CCSER1: variants seen among roughly 807,000 people sequenced by gnomAD.
CCSER1 encodes the protein coiled-coil serine rich protein 1, also known as serine-rich coiled-coil domain-containing protein 1.
In CCSER1, 41 loss-of-function variants were observed where a neutral mutation model predicts 82.0. The observed-to-expected ratio is 0.50, with a 90% CI of 0.39 to 0.65. The LOEUF (loss-of-function observed/expected upper bound fraction) is 0.65, where lower values mean the gene tolerates loss of function less well. Among genes scored for constraint, CCSER1 ranks in the 30% least tolerant of loss-of-function variants. CCSER1 has a pLI of 0.00. For missense variants in CCSER1, 1,119 were observed against 1,064.2 expected (o/e 1.05, Z -0.72); for synonymous variants, 414 against 383.9 (o/e 1.08, Z -0.92).
intron 8 of CCSER1, among the ~76,000 whole-genome samples, chr4:90,829,907 C>T (rs1760923774): frequency 6.6e-6 from 1 of 152,094 alleles, no homozygotes; most frequent in Non-Finnish European, 1.5e-5. Context: ...CTATCTGAGG[C>T]TTCCTTCCTT....
intron 10 of CCSER1, among the ~76,000 whole-genome samples, chr4:91,215,711 G>A (rs891301238): frequency 1.3e-5 from 2 of 152,066 alleles, no homozygotes; most frequent in African/African-American, 4.8e-5. Context: ...ATTTCCTTTG[G>A]CAACATCCTC....
chr4:90,622,736 T>A (rs886483565), intron 5 of CCSER1, among the ~76,000 whole-genome samples: 2 of 152,106 alleles, frequency 1.3e-5, no homozygotes, highest in South Asian at 2.1e-4. Flanking sequence ...TACGTGTGCA[T>A]GTGTCTTTAT....
intron 8 of CCSER1, among the ~76,000 whole-genome samples, chr4:90,832,329 GAT>G (rs1165339971): frequency 6.6e-6 from 1 of 151,856 alleles, no homozygotes; most frequent in African/African-American, 2.4e-5. Flanking sequence ...TAGAACATGT[GAT>G]GATAGAAGCA....
At chr4:90,257,828 CCT>C (rs1723626295) in intron 1 of CCSER1, among the ~76,000 whole-genome samples, 1 of 152,092 alleles carries the variant, frequency 6.6e-6, no homozygotes, top group Admixed American at 6.6e-5. Flanking sequence ...GTGAATTCCC[CCT>C]GACTCAGCCT....
intron 5 of CCSER1, among the ~76,000 whole-genome samples, chr4:90,470,779 A>C (rs1238372427): frequency 2.0e-5 from 3 of 150,736 alleles, no homozygotes; most frequent in South Asian, 2.1e-4. Flanking sequence ...AAAAAAAAAA[A>C]AACAAAACAC....
chr4:90,398,113 C>T (rs944437223), intron 3 of CCSER1, among the ~76,000 whole-genome samples: 1 of 152,146 alleles, frequency 6.6e-6, no homozygotes, highest in Admixed American at 6.5e-5. Context: ...CCTATCTTCC[C>T]TCCCTCTGTG....
At chr4:90,794,081 G>A (rs987428543) in intron 7 of CCSER1, among the ~76,000 whole-genome samples, 3 of 152,168 alleles carry the variant, frequency 2.0e-5, no homozygotes, top group South Asian at 2.1e-4. Context: ...CAGATGCATA[G>A]TTTGCAAAAA....
chr4:90,854,459 G>T (rs552274080), intron 8 of CCSER1, among the ~76,000 whole-genome samples: 1 of 152,226 alleles, frequency 6.6e-6, no homozygotes, highest in African/African-American at 2.4e-5. Flanking sequence ...TATGCCTAAA[G>T]TCATTTTTTG....
intron 8 of CCSER1, among the ~76,000 whole-genome samples, chr4:90,819,701 C>T (rs1345964393): frequency 6.6e-6 from 1 of 152,072 alleles, no homozygotes; most frequent in African/African-American, 2.4e-5. Flanking sequence ...CCAATTTATT[C>T]CTTCTTTTTA....
At chr4:90,901,406 G>T (rs1172328766) in intron 8 of CCSER1, among the ~76,000 whole-genome samples, 1 of 151,884 alleles carries the variant, frequency 6.6e-6, no homozygotes, top group Non-Finnish European at 1.5e-5. Context: ...GTACTTATGG[G>T]TGCTTTTATG....
At chr4:91,332,878 A>G (rs895869831) in intron 10 of CCSER1, among the ~76,000 whole-genome samples, 3 of 152,044 alleles carry the variant, frequency 2.0e-5, no homozygotes, top group Non-Finnish European at 4.4e-5. Context: ...TTCTTCAGGG[A>G]GACATTCTGC....
rs182509487 is a variant in CCSER1, at chr4:91,223,246, G to T, written c.2217+137252G>T. ...AGTGAGTTCGTATTATTTCCTTAGA[G>T]AAATATTATTTGTTTAGAAATCAAA... On this transcript the variant is annotated intron_variant, in intron 10 of 10. Transcript: ENST00000509176. 2.4e-3 allele frequency among the ~76,000 whole-genome samples: 372 copies of T among 152,144 alleles called. 1 individual carries two copies. Among genetic ancestry groups the T allele is most frequent in the Admixed American group, 5.2e-3 (80 of 15,268 alleles).
chr4:90,639,228 A>G (rs1485242070), intron 6 of CCSER1, among the ~76,000 whole-genome samples: 5 of 151,526 alleles, frequency 3.3e-5, no homozygotes, highest in Non-Finnish European at 7.4e-5. Context: ...AATGCTTCTT[A>G]ATAGCATAAT....
chr4:90,163,622 A>T (rs1448434209), intron 1 of CCSER1, among the ~76,000 whole-genome samples: 1 of 152,106 alleles, frequency 6.6e-6, no homozygotes, highest in South Asian at 2.1e-4. Context: ...AATTTAATTC[A>T]CAACAATGAC....
At chr4:91,007,863 A>G (rs193117782) in intron 9 of CCSER1, among the ~76,000 whole-genome samples, 3 of 151,914 alleles carry the variant, frequency 2.0e-5, no homozygotes, top group African/African-American at 7.2e-5. Flanking sequence ...GGATTTTTTG[A>G]CATTGATGCT....
intron 10 of CCSER1, among the ~76,000 whole-genome samples, chr4:91,556,163 G>C (rs1490509412): frequency 6.6e-6 from 1 of 151,178 alleles, no homozygotes; most frequent in African/African-American, 2.4e-5. Context: ...TGAAGGTCAG[G>C]CCCAAGAAAT....
chr4:90,738,244 C>T (rs1745977242), intron 7 of CCSER1, among the ~76,000 whole-genome samples: 1 of 152,126 alleles, frequency 6.6e-6, no homozygotes, highest in East Asian at 1.9e-4. Context: ...TGAACCCATC[C>T]TTCTTAGGAA....
intron 8 of CCSER1, among the ~76,000 whole-genome samples, chr4:90,872,186 A>G (rs1188089777): frequency 2.0e-5 from 3 of 151,586 alleles, no homozygotes; most frequent in East Asian, 3.9e-4. Flanking sequence ...ATAAGTAATG[A>G]TTTACTACTG....
intron 10 of CCSER1, among the ~76,000 whole-genome samples, chr4:91,119,885 A>G (rs1378353209): frequency 6.6e-6 from 1 of 152,040 alleles, no homozygotes; most frequent in Non-Finnish European, 1.5e-5. Flanking sequence ...TAGGATTTTA[A>G]AAAGCAGTTA....
Sources: gnomAD v4.1 joint callset for allele counts (sites outside exome capture counted in the v4.1 genomes callset) on GRCh38, gnomAD v4.1.1 for gene constraint, MANE v1.5 for transcripts, NCBI Gene and HGNC (gene_info 2026-07-23, HGNC 2026-07-21) for gene names.